Variants in SGCZ observed in about 807,000 individuals in gnomAD.
SGCZ encodes the protein zeta-sarcoglycan.
Under a neutral mutation model 41.3 loss-of-function variants are expected in SGCZ, and 40 were observed. That is an observed-to-expected ratio of 0.97 (90% CI 0.75 to 1.26). SGCZ has a LOEUF of 1.26. SGCZ is among the 50% of genes most tolerant of loss of function. The probability of loss-of-function intolerance (pLI) is 0.00; values close to 1 mark genes in which losing one functional copy is unlikely to be tolerated. For synonymous variants in SGCZ, 206 were observed against 137.5 expected (o/e 1.50, Z -3.49); for missense variants, 552 against 369.8 (o/e 1.49, Z -4.04).
chr8:15,153,902 C>G (rs1474261244), intron 1 of SGCZ, among the ~76,000 whole-genome samples: 1 of 152,046 alleles, frequency 6.6e-6, no homozygotes, highest in East Asian at 1.9e-4. Flanking sequence ...TTGTGGAAGA[C>G]AAGTTTTCCA....
At chr8:14,188,820 C>T (rs59813849) in intron 4 of SGCZ, among the ~76,000 whole-genome samples, 101,069 of 133,566 alleles carry the variant, frequency 0.76, 36,571 homozygotes, top group African/African-American at 0.85. Flanking sequence ...TTGTTTGTTT[C>T]TTTGTTTTTT....
intron 1 of SGCZ, among the ~76,000 whole-genome samples, chr8:15,158,327 C>T (rs1259726029): frequency 6.6e-6 from 1 of 151,996 alleles, no homozygotes; most frequent in Non-Finnish European, 1.5e-5. Flanking sequence ...TCCTTTTTTG[C>T]TAGCTATTTG....
chr8:14,327,058 C>T (rs7814935), intron 2 of SGCZ, among the ~76,000 whole-genome samples: 30,142 of 152,052 alleles, frequency 0.2, 3,748 homozygotes, highest in Non-Finnish European at 0.29. Context: ...CAAGGAAAGT[C>T]AGAAGTGGGG....
chr8:14,474,364 G>C (rs963359155), intron 2 of SGCZ, among the ~76,000 whole-genome samples: 1 of 152,134 alleles, frequency 6.6e-6, no homozygotes, highest in Non-Finnish European at 1.5e-5. Flanking sequence ...TGGGTCTATA[G>C]ACTTCTAAAT....
At chr8:14,100,830 GGACTGAAATACTCC>G (rs1401566070) in intron 7 of SGCZ, among the ~76,000 whole-genome samples, 1 of 151,696 alleles carries the variant, frequency 6.6e-6, no homozygotes, top group Non-Finnish European at 1.5e-5. Flanking sequence ...TATCTGAAGA[GGACTGAAATACTCC>G]AGAACATGCC....
intron 4 of SGCZ, among the ~76,000 whole-genome samples, chr8:14,224,881 T>G (rs571495869): frequency 4.5e-4 from 69 of 152,314 alleles, no homozygotes; most frequent in African/African-American, 1.6e-3. Context: ...TACCAACGTT[T>G]TCCTCAAGCC....
chr8:14,549,386 T>C (rs530823795), intron 2 of SGCZ, among the ~76,000 whole-genome samples: 17 of 152,150 alleles, frequency 1.1e-4, no homozygotes, highest in African/African-American at 4.1e-4. Flanking sequence ...ACTTTGTTCA[T>C]AGGAGACAAG....
chr8:14,417,219 C>G lies in SGCZ; in HGVS notation c.235-93015G>C, dbSNP rs765714011. ...AAGTGTGAATGCTGACCTAAGCGAT[C>G]TTCAACTCAGTTCGTAGTGCAATAG... is the stretch of plus-strand genomic sequence containing the variant. On this transcript the variant is annotated intron_variant, in intron 2 of 7. Transcript: ENST00000382080. 2.6e-5 allele frequency among the ~76,000 whole-genome samples: 4 copies of G among 151,940 alleles called. No homozygotes were observed. In the East Asian group the frequency reaches 7.7e-4, roughly 29 times the overall value.
intron 1 of SGCZ, among the ~76,000 whole-genome samples, chr8:14,619,030 T>G (rs1350022599): frequency 6.6e-6 from 1 of 152,150 alleles, no homozygotes; most frequent in African/African-American, 2.4e-5. Context: ...AACAGGGCAA[T>G]ATGTTGGTAT....
chr8:14,101,155 A>AAACAT (rs1264244032), intron 7 of SGCZ, among the ~76,000 whole-genome samples: 2 of 152,182 alleles, frequency 1.3e-5, no homozygotes, highest in Non-Finnish European at 2.9e-5. Context: ...TAGACATTAA[A>AAACAT]AACATAATCA....
intron 1 of SGCZ, among the ~76,000 whole-genome samples, chr8:14,614,410 C>G (rs927958581): frequency 6.6e-6 from 1 of 152,144 alleles, no homozygotes; most frequent in Admixed American, 6.6e-5. Flanking sequence ...ACTAAAATTT[C>G]TAGCATGAAC....
chr8:14,099,106 A>C (rs1801932836), intron 7 of SGCZ, among the ~76,000 whole-genome samples: 1 of 152,184 alleles, frequency 6.6e-6, no homozygotes, highest in Non-Finnish European at 1.5e-5. Flanking sequence ...TAGAGGTATA[A>C]GTCATAAGAT....
intron 1 of SGCZ, among the ~76,000 whole-genome samples, chr8:14,607,628 C>T (rs964273411): frequency 3.3e-5 from 5 of 151,974 alleles, no homozygotes; most frequent in South Asian, 2.1e-4. Context: ...ACTGTGAGTG[C>T]GAGCAAAATG....
chr8:14,554,631 A>G (rs1803974022), intron 2 of SGCZ, 101 bp downstream of exon 2: 3 of 960,946 alleles, frequency 3.1e-6, no homozygotes, highest in Non-Finnish European at 4.5e-6. Flanking sequence ...ACACACTTGT[A>G]AATATTGATA....
intron 1 of SGCZ, among the ~76,000 whole-genome samples, chr8:15,210,979 T>C (rs1801216351): frequency 6.6e-6 from 1 of 151,632 alleles, no homozygotes; most frequent in Admixed American, 6.6e-5. Flanking sequence ...ACTGTCCAAA[T>C]TTTCCCCTGC....
intron 1 of SGCZ, among the ~76,000 whole-genome samples, chr8:14,683,674 C>T (rs1016508192): frequency 3.9e-5 from 6 of 152,024 alleles, no homozygotes; most frequent in African/African-American, 1.4e-4. Flanking sequence ...TATACCATAA[C>T]AAAATAACAT....
At chr8:14,313,991 T>C (rs950851050) in intron 3 of SGCZ, among the ~76,000 whole-genome samples, 3 of 151,570 alleles carry the variant, frequency 2.0e-5, no homozygotes, top group Non-Finnish European at 4.4e-5. Context: ...CAGGTAATTC[T>C]TAAAGCATTT....
chr8:14,564,709 A>C (rs911889679), intron 1 of SGCZ, among the ~76,000 whole-genome samples: 29 of 152,206 alleles, frequency 1.9e-4, no homozygotes, highest in African/African-American at 7.0e-4. Context: ...TTTAAAACAT[A>C]ATGCTTGAAG....
At chr8:14,520,309 A>AT (rs1006924151) in intron 2 of SGCZ, among the ~76,000 whole-genome samples, 2 of 152,124 alleles carry the variant, frequency 1.3e-5, no homozygotes, top group African/African-American at 2.4e-5. Flanking sequence ...CAACACAGGA[A>AT]TTTTTTGTTC....
Sources: allele counts gnomAD v4.1 joint callset (sites outside exome capture counted in the v4.1 genomes callset), GRCh38; gene constraint gnomAD v4.1.1; transcripts MANE v1.5; gene names NCBI Gene and HGNC (gene_info 2026-07-23, HGNC 2026-07-21).